GMDS: variants seen among roughly 807,000 people sequenced by gnomAD.
GMDS encodes GDP-mannose 4,6-dehydratase.
In GMDS, 20 loss-of-function variants were observed where a neutral mutation model predicts 49.9. That is an observed-to-expected ratio of 0.40 (90% CI 0.28 to 0.58). The LOEUF (loss-of-function observed/expected upper bound fraction) is 0.58. GMDS is among the 20% of genes least tolerant of loss of function. GMDS has a pLI of 0.42. For missense variants in GMDS, 362 were observed against 481.4 expected, an observed-to-expected ratio of 0.75 and a Z score of 2.32; for synonymous variants, 177 against 178.6, an observed-to-expected ratio of 0.99 and a Z score of 0.07.
chr6:1,709,094 T>C (rs572134331), intron 9 of GMDS, among the ~76,000 whole-genome samples: 1 of 152,330 alleles, frequency 6.6e-6, no homozygotes, highest in African/African-American at 2.4e-5. Flanking sequence ...GTCCCCTGAA[T>C]GCACAGCAGG....
chr6:1,655,476 T>TACACACACACACAC (rs751129753), intron 9 of GMDS, among the ~76,000 whole-genome samples: 6 of 81,086 alleles, frequency 7.4e-5, no homozygotes, highest in Non-Finnish European at 1.4e-4. Flanking sequence ...TTGAAAGCCT[T>TACACACACACACAC]ACACACACAC....
chr6:1,740,137 T>TA (rs1767208141), intron 8 of GMDS, among the ~76,000 whole-genome samples: 1 of 152,226 alleles, frequency 6.6e-6, no homozygotes, highest in South Asian at 2.1e-4. Flanking sequence ...TCATTAAACT[T>TA]GTTTAAGTAT....
intron 7 of GMDS, among the ~76,000 whole-genome samples, chr6:1,860,797 A>T (rs989561518): frequency 6.6e-6 from 1 of 152,156 alleles, no homozygotes; most frequent in Admixed American, 6.5e-5. Flanking sequence ...GTACTTTAAG[A>T]AGATTAAATA....
Position 1,944,998 on chromosome 6 carries a change from C to T in GMDS, c.644-14768G>A, listed in dbSNP as rs1276553141. On this transcript the variant is annotated intron_variant, in intron 6 of 10. Coordinates refer to ENST00000380815, the MANE Select transcript of GMDS (RefSeq NM_001500.4). ...CCAAGGAAAATAAGTAACATTGCCT[C>T]CTCTGTAATAACTATTGCTAATTAT... Among the ~76,000 whole-genome samples, 21 of 152,274 alleles carry T rather than the reference C, an allele frequency of 1.4e-4. No individual in the cohort carries two copies. In the South Asian group the frequency reaches 4.4e-3, roughly 32 times the overall value.
At chr6:1,818,863 T>C (rs1770776400) in intron 7 of GMDS, among the ~76,000 whole-genome samples, 1 of 152,160 alleles carries the variant, frequency 6.6e-6, no homozygotes, top group African/African-American at 2.4e-5. Context: ...ATGTGGCCTT[T>C]TGTTACTTCG....
intron 7 of GMDS, among the ~76,000 whole-genome samples, chr6:1,753,298 G>C (rs913737056): frequency 7.9e-5 from 12 of 152,036 alleles, no homozygotes; most frequent in Non-Finnish European, 1.2e-4. Flanking sequence ...ACAAAGAAGG[G>C]CATTACATAA....
intron 4 of GMDS, among the ~76,000 whole-genome samples, chr6:2,036,270 G>A (rs1769301422): frequency 6.6e-6 from 1 of 152,158 alleles, no homozygotes; most frequent in Non-Finnish European, 1.5e-5. Context: ...AAGTATTTAA[G>A]ATAACAAGGT....
At chr6:2,238,222 CA>C (rs58141924) in intron 1 of GMDS, among the ~76,000 whole-genome samples, 40,634 of 118,568 alleles carry the variant, frequency 0.34, 7,576 homozygotes, top group African/African-American at 0.61. Context: ...CCTGTCTCTA[CA>C]AAAAAAAAAA....
At chr6:2,015,686 T>A (rs1394766735) in intron 4 of GMDS, among the ~76,000 whole-genome samples, 1 of 152,156 alleles carries the variant, frequency 6.6e-6, no homozygotes, top group Non-Finnish European at 1.5e-5. Context: ...CTCCACTGGA[T>A]GCCTGAAACT....
intron 4 of GMDS, among the ~76,000 whole-genome samples, chr6:1,978,254 A>G (rs1205977290): frequency 2.0e-5 from 3 of 152,026 alleles, no homozygotes; most frequent in Admixed American, 6.6e-5. Context: ...GCAGGACATC[A>G]ATCCATTCCT....
intron 7 of GMDS, among the ~76,000 whole-genome samples, chr6:1,796,701 C>A (rs2113648068): frequency 6.6e-6 from 1 of 152,288 alleles, no homozygotes; most frequent in Middle Eastern, 3.4e-3. Context: ...AAATAACAAT[C>A]ATAAAATATT....
intron 4 of GMDS, among the ~76,000 whole-genome samples, chr6:2,000,008 AT>A (rs1368425433): frequency 1.2e-4 from 1 of 8,080 alleles, no homozygotes; most frequent in Non-Finnish European, 2.9e-4. Context: ...ATATATATAT[AT>A]TTTTTATATA....
chr6:2,057,479 C>T (rs779527103), intron 4 of GMDS, among the ~76,000 whole-genome samples: 4 of 152,152 alleles, frequency 2.6e-5, no homozygotes, highest in Non-Finnish European at 5.9e-5. Flanking sequence ...AGGTGAAAAC[C>T]TCACACTTTA....
At position 1,792,643 on chromosome 6, in the gene GMDS, C is replaced by T. The variant is rs145359111; in HGVS notation, c.772-50057G>A. 2.3e-3 allele frequency among the ~76,000 whole-genome samples: 348 copies of T among 152,232 alleles called. 3 individuals carry two copies. The highest frequency in any genetic ancestry group is 7.9e-3 in the African/African-American group (328 of 41,532). ...CAGAAAAGTACATGGAGGATAATTACATTAAAAATGATATGTGTTTGAAAA... is the reference window on the plus strand; with the variant it reads ...CAGAAAAGTACATGGAGGATAATTATATTAAAAATGATATGTGTTTGAAAA... On this transcript the variant is annotated intron_variant, in intron 7 of 10. Transcript: ENST00000380815.
chr6:1,727,537 A>G (rs1311043528), intron 8 of GMDS, among the ~76,000 whole-genome samples: 1 of 152,170 alleles, frequency 6.6e-6, no homozygotes, highest in African/African-American at 2.4e-5. Context: ...TGGACACAGG[A>G]CAATTCTGTG....
At chr6:1,745,047 G>C (rs536208299) in intron 7 of GMDS, among the ~76,000 whole-genome samples, 2 of 152,284 alleles carry the variant, frequency 1.3e-5, no homozygotes, top group South Asian at 4.1e-4. Context: ...AGAATTTTTA[G>C]GAAAAATTAA....
intron 7 of GMDS, among the ~76,000 whole-genome samples, chr6:1,848,530 C>T (rs1757516687): frequency 6.6e-6 from 1 of 152,194 alleles, no homozygotes; most frequent in African/African-American, 2.4e-5. Context: ...TTTGATTTAA[C>T]AAAGTTTTTT....
intron 6 of GMDS, among the ~76,000 whole-genome samples, chr6:1,948,735 T>C (rs1356306544): frequency 1.3e-5 from 2 of 152,240 alleles, no homozygotes; most frequent in African/African-American, 4.8e-5. Context: ...TATTTATCCA[T>C]AAGCCTTTCA....
At chr6:2,221,002 C>T (rs745844692) in intron 1 of GMDS, among the ~76,000 whole-genome samples, 32 of 152,054 alleles carry the variant, frequency 2.1e-4, no homozygotes, top group Non-Finnish European at 4.4e-4. Context: ...TACAGCAAGA[C>T]CCCGTCTATA....
Sources: gnomAD v4.1 joint callset for allele counts (sites outside exome capture counted in the v4.1 genomes callset) on GRCh38, gnomAD v4.1.1 for gene constraint, MANE v1.5 for transcripts, NCBI Gene and HGNC (gene_info 2026-07-23, HGNC 2026-07-21) for gene names.